Variants in DNER observed in about 807,000 individuals in gnomAD.
The protein encoded by DNER is delta/notch like EGF repeat containing, also known as delta and Notch-like epidermal growth factor-related receptor.
Under a neutral mutation model 78.2 loss-of-function variants are expected in DNER, and 33 were observed. The observed-to-expected ratio is 0.42, with a 90% CI of 0.32 to 0.56. DNER has a LOEUF of 0.56. Among genes scored for constraint, DNER ranks in the 20% least tolerant of loss-of-function variants. The probability of loss-of-function intolerance (pLI) is 0.11; values close to 1 mark genes in which losing one functional copy is unlikely to be tolerated. For missense variants in DNER, 918 were observed against 975.3 expected, an observed-to-expected ratio of 0.94 and a Z score of 0.78; for synonymous variants, 417 against 384.8, an observed-to-expected ratio of 1.08 and a Z score of -0.98.
chr2:229,689,837 G>C (rs1699538924), intron 1 of DNER, among the ~76,000 whole-genome samples: 1 of 152,192 alleles, frequency 6.6e-6, no homozygotes, highest in Admixed American at 6.5e-5. Flanking sequence ...GGTTTGCCCA[G>C]GGTTTTGCTG....
At chr2:229,466,815 C>T (rs1288428490) in intron 7 of DNER, among the ~76,000 whole-genome samples, 1 of 152,122 alleles carries the variant, frequency 6.6e-6, no homozygotes, top group Admixed American at 6.5e-5. Flanking sequence ...GTTAAAGACA[C>T]TCATTACAAA....
intron 5 of DNER, among the ~76,000 whole-genome samples, chr2:229,529,006 G>A (rs890291884): frequency 1.3e-5 from 2 of 152,132 alleles, no homozygotes; most frequent in African/African-American, 2.4e-5. Context: ...CTAATGTCAC[G>A]GAGTATATGT....
At chr2:229,503,360 C>T (rs1486526982) in intron 6 of DNER, among the ~76,000 whole-genome samples, 5 of 152,168 alleles carry the variant, frequency 3.3e-5, no homozygotes, top group Non-Finnish European at 5.9e-5. Context: ...CAGTCTGGAC[C>T]AGCAGAGTGG....
chr2:229,530,705 T>G (rs539738920), intron 5 of DNER, among the ~76,000 whole-genome samples: 2 of 152,374 alleles, frequency 1.3e-5, no homozygotes, highest in African/African-American at 2.4e-5. Context: ...AATATCCTAT[T>G]TAACCACAGA....
At chr2:229,379,059 GGAA>G (rs1692674666) in intron 11 of DNER, among the ~76,000 whole-genome samples, 1 of 152,134 alleles carries the variant, frequency 6.6e-6, no homozygotes, top group Non-Finnish European at 1.5e-5. Context: ...ATCATCAAAT[GGAA>G]GATGATAGAG....
chr2:229,579,496 G>A (rs1199850463), intron 4 of DNER, among the ~76,000 whole-genome samples: 1 of 152,188 alleles, frequency 6.6e-6, no homozygotes. Flanking sequence ...ATCACTGGGT[G>A]AGCGGAGAAT....
At chr2:229,670,463 G>A (rs1699188593) in intron 1 of DNER, among the ~76,000 whole-genome samples, 1 of 152,182 alleles carries the variant, frequency 6.6e-6, no homozygotes, top group South Asian at 2.1e-4. Flanking sequence ...AATACATCAG[G>A]AGCATTCAAA....
intron 6 of DNER, among the ~76,000 whole-genome samples, chr2:229,477,659 C>T (rs1234687877): frequency 1.3e-5 from 2 of 152,124 alleles, no homozygotes; most frequent in African/African-American, 2.4e-5. Flanking sequence ...CATCACAACA[C>T]CTACATAAAA....
At chr2:229,632,083 G>A (rs78141834) in intron 1 of DNER, among the ~76,000 whole-genome samples, 3 of 152,268 alleles carry the variant, frequency 2.0e-5, no homozygotes, top group East Asian at 1.9e-4. Context: ...CGCTGTGAAT[G>A]TCTCTTTAAT....
intron 11 of DNER, among the ~76,000 whole-genome samples, chr2:229,385,100 TAAAAAAA>T (rs57663031): frequency 3.6e-5 from 4 of 110,932 alleles, no homozygotes; most frequent in African/African-American, 1.4e-4. Flanking sequence ...AGACTCCATC[TAAAAAAA>T]AAAAAAAAAA....
chr2:229,643,213 T>C (rs1698658354), intron 1 of DNER, among the ~76,000 whole-genome samples: 1 of 152,024 alleles, frequency 6.6e-6, no homozygotes, highest in African/African-American at 2.4e-5. Context: ...TGAGCCCCTG[T>C]CTCAAAAATA....
intron 6 of DNER, among the ~76,000 whole-genome samples, chr2:229,496,508 A>C (rs1695505750): frequency 6.6e-6 from 1 of 152,310 alleles, no homozygotes; most frequent in Non-Finnish European, 1.5e-5. Context: ...GAAGACATAG[A>C]GTGGATGCAT....
intron 1 of DNER, among the ~76,000 whole-genome samples, chr2:229,671,257 T>C (rs1433127460): frequency 6.6e-6 from 1 of 152,130 alleles, no homozygotes; most frequent in African/African-American, 2.4e-5. Flanking sequence ...TTCAAACCTG[T>C]CCAAAGTCTA....
chr2:229,469,775 T>A (rs943015654), intron 7 of DNER, among the ~76,000 whole-genome samples: 1 of 152,128 alleles, frequency 6.6e-6, no homozygotes, highest in Non-Finnish European at 1.5e-5. Flanking sequence ...AAATCCCGTC[T>A]CAACTAAAAA....
At chr2:229,555,280 C>T (rs1696835906) in intron 4 of DNER, among the ~76,000 whole-genome samples, 2 of 152,244 alleles carry the variant, frequency 1.3e-5, no homozygotes, top group South Asian at 2.1e-4. Flanking sequence ...GGCAAAAGTG[C>T]CTCTTCTGTG....
intron 6 of DNER, among the ~76,000 whole-genome samples, chr2:229,494,770 C>T (rs1430072199): frequency 6.6e-6 from 1 of 152,224 alleles, no homozygotes; most frequent in Non-Finnish European, 1.5e-5. Context: ...CTTTCCCTTT[C>T]CTTGAAGAAC....
At chr2:229,408,749 T>C (rs1693443219) in intron 9 of DNER, among the ~76,000 whole-genome samples, 1 of 152,154 alleles carries the variant, frequency 6.6e-6, no homozygotes, top group Non-Finnish European at 1.5e-5. Flanking sequence ...AAAATAGAAA[T>C]GGAACTTCCT....
At chr2:229,653,330 C>A (rs2154216342) in intron 1 of DNER, among the ~76,000 whole-genome samples, 1 of 152,326 alleles carries the variant, frequency 6.6e-6, no homozygotes, top group East Asian at 1.9e-4. Context: ...GGCATTGTCT[C>A]TCCCAGCTCC....
At chr2:229,364,769 A>G (rs1335434293) in intron 12 of DNER, among the ~76,000 whole-genome samples, 1 of 151,990 alleles carries the variant, frequency 6.6e-6, no homozygotes, top group African/African-American at 2.4e-5. Flanking sequence ...TTTTGGAGAA[A>G]GCAAACTCTT....
Sources: allele counts gnomAD v4.1 joint callset (sites outside exome capture counted in the v4.1 genomes callset), GRCh38; gene constraint gnomAD v4.1.1; transcripts MANE v1.5; gene names NCBI Gene and HGNC (gene_info 2026-07-23, HGNC 2026-07-21).